KDM4C: variants seen among roughly 807,000 people sequenced by gnomAD.
The protein encoded by KDM4C is lysine demethylase 4C.
A neutral mutation model predicts 129.3 loss-of-function variants in KDM4C; 81 were observed. The ratio of observed to expected loss-of-function variants is 0.63; its 90% confidence interval spans 0.52 to 0.75. KDM4C has a LOEUF of 0.75. KDM4C is among the 30% of genes least tolerant of loss of function. The probability of loss-of-function intolerance (pLI) is 0.00; values close to 1 mark genes in which losing one functional copy is unlikely to be tolerated. For synonymous variants in KDM4C, 573 were observed against 456.1 expected, an observed-to-expected ratio of 1.26 and a Z score of -3.26; for missense variants, 1,457 against 1,304.0, an observed-to-expected ratio of 1.12 and a Z score of -1.81.
chr9:7,170,220 A>T, intron 21 of KDM4C: 1 of 1,197,086 alleles, frequency 8.4e-7, no homozygotes, highest in Admixed American at 3.9e-5. Context: ...GGCATTTGCA[A>T]TCTTGTTAGT....
At chr9:7,126,031 CA>C (rs1233720765) in intron 18 of KDM4C, among the ~76,000 whole-genome samples, 2 of 152,188 alleles carry the variant, frequency 1.3e-5, no homozygotes, top group Non-Finnish European at 2.9e-5. Flanking sequence ...TCAAAACAAA[CA>C]ACCCAAATGA....
chr9:7,101,492 A>C (rs2133131967), intron 17 of KDM4C, among the ~76,000 whole-genome samples: 1 of 152,242 alleles, frequency 6.6e-6, no homozygotes, highest in East Asian at 1.9e-4. Flanking sequence ...AGTGTTCTCA[A>C]CTCTGAATAA....
At chr9:7,090,759 G>A (rs1835698449) in intron 17 of KDM4C, among the ~76,000 whole-genome samples, 1 of 152,170 alleles carries the variant, frequency 6.6e-6, no homozygotes, top group Non-Finnish European at 1.5e-5. Context: ...AGTTTTCTAG[G>A]CATGTTTATC....
intron 12 of KDM4C, among the ~76,000 whole-genome samples, chr9:6,997,524 T>C (rs145068751): frequency 2.8e-4 from 42 of 152,316 alleles, no homozygotes; most frequent in African/African-American, 9.9e-4. Flanking sequence ...TTCTTCTAAG[T>C]GAGAAATTTA....
At chr9:7,144,809 T>A (rs1225737569) in intron 19 of KDM4C, among the ~76,000 whole-genome samples, 1 of 152,260 alleles carries the variant, frequency 6.6e-6, no homozygotes, top group East Asian at 1.9e-4. Context: ...GCATGCCACT[T>A]GTATCAGAAT....
intron 17 of KDM4C, among the ~76,000 whole-genome samples, chr9:7,052,750 G>A (rs560413799): frequency 1.3e-5 from 2 of 152,252 alleles, no homozygotes; most frequent in South Asian, 2.1e-4. Flanking sequence ...GCAGCAGCAA[G>A]GGCTGCATCT....
At chr9:7,006,382 C>G (rs10975966) in intron 12 of KDM4C, among the ~76,000 whole-genome samples, 3 of 152,106 alleles carry the variant, frequency 2.0e-5, no homozygotes, top group Non-Finnish European at 4.4e-5. Flanking sequence ...ATTGCTTGAG[C>G]ATCAGAGGTG....
intron 1 of KDM4C, among the ~76,000 whole-genome samples, chr9:6,723,314 G>T (rs142276699): frequency 0.016 from 2,476 of 152,214 alleles, 27 homozygotes; most frequent in Middle Eastern, 0.051. Flanking sequence ...GGCGGAGGTT[G>T]CAGTGAGACG....
chr9:6,862,649 A>G (rs1841146603), intron 5 of KDM4C, among the ~76,000 whole-genome samples: 1 of 152,160 alleles, frequency 6.6e-6, no homozygotes, highest in African/African-American at 2.4e-5. Context: ...CTAAAAATAC[A>G]AAAACACATT....
intron 8 of KDM4C, among the ~76,000 whole-genome samples, chr9:6,898,352 C>T (rs1203994875): frequency 6.6e-6 from 1 of 151,976 alleles, no homozygotes; most frequent in East Asian, 1.9e-4. Flanking sequence ...CTCGTTTATA[C>T]CGTCTGAAGC....
chr9:6,807,496 C>G (rs1361407665), intron 3 of KDM4C, among the ~76,000 whole-genome samples: 5 of 148,142 alleles, frequency 3.4e-5, no homozygotes, highest in East Asian at 2.0e-4. Flanking sequence ...TGCCCGGCCG[C>G]CCATCGTCTG....
At chr9:7,000,204 G>T (rs1263099367) in intron 12 of KDM4C, among the ~76,000 whole-genome samples, 1 of 152,088 alleles carries the variant, frequency 6.6e-6, no homozygotes. Flanking sequence ...AAGTCCCAGT[G>T]GCGTTGATTT....
At chr9:6,940,900 C>T (rs369110408) in intron 8 of KDM4C, among the ~76,000 whole-genome samples, 4 of 85,600 alleles carry the variant, frequency 4.7e-5, no homozygotes, top group Non-Finnish European at 9.4e-5. Context: ...AAGAAAAAAA[C>T]GTATCATTCT....
At chr9:7,053,303 C>T (rs1309995905) in intron 17 of KDM4C, among the ~76,000 whole-genome samples, 13 of 152,190 alleles carry the variant, frequency 8.5e-5, no homozygotes, top group Non-Finnish European at 1.8e-4. Flanking sequence ...TTTTGAAAAG[C>T]TCCTCTGGTA....
Position 6,790,143 on chromosome 9 carries a change from A to G in KDM4C, c.-17-2829A>G, listed in dbSNP as rs189189525. 7.8e-3 allele frequency among the ~76,000 whole-genome samples: 1,148 copies of G among 146,248 alleles called. 18 individuals carry two copies. Among genetic ancestry groups the G allele is most frequent in the African/African-American group, 0.027 (1,104 of 40,282 alleles). On this transcript the variant is annotated intron_variant, in intron 1 of 21. Transcript: ENST00000381309. ...AAAATTGGCCGGGTGTGGTGGTGTG[A>G]TCCGCTCGCCTTGGCCTCCTGAAGT...
chr9:6,942,219 C>T (rs936652049), intron 8 of KDM4C, among the ~76,000 whole-genome samples: 2 of 150,764 alleles, frequency 1.3e-5, no homozygotes, highest in African/African-American at 4.9e-5. Context: ...GCTCCCTTTT[C>T]CCTTTTATTT....
chr9:7,111,622 G>A (rs1431246449), intron 18 of KDM4C, among the ~76,000 whole-genome samples: 1 of 152,106 alleles, frequency 6.6e-6, no homozygotes, highest in Non-Finnish European at 1.5e-5. Flanking sequence ...AATAGTGTGT[G>A]CACAAACTTC....
intron 11 of KDM4C, among the ~76,000 whole-genome samples, chr9:6,989,212 T>G (rs1818298586): frequency 6.6e-6 from 1 of 152,248 alleles, no homozygotes. Flanking sequence ...TACAATGGTC[T>G]TACACATTTT....
intron 12 of KDM4C, 90 bp from the exon 13 acceptor site, chr9:7,011,608 A>G (rs1563979087): frequency 8.3e-7 from 1 of 1,200,012 alleles, no homozygotes; most frequent in Non-Finnish European, 1.2e-6. Flanking sequence ...AATATCACAG[A>G]TTCTGTGGAA....
Sources: gnomAD v4.1 joint callset for allele counts (sites outside exome capture counted in the v4.1 genomes callset) on GRCh38, gnomAD v4.1.1 for gene constraint, MANE v1.5 for transcripts, NCBI Gene and HGNC (gene_info 2026-07-23, HGNC 2026-07-21) for gene names.